The following NEK10 variants were observed in gnomAD, a reference collection of about 807,000 sequenced individuals.
NEK10 encodes the protein serine/threonine-protein kinase Nek10.
NEK10 carries 122 observed loss-of-function variants against 159.8 expected under a neutral mutation model. That is an observed-to-expected ratio of 0.76 (90% CI 0.66 to 0.89). The LOEUF (loss-of-function observed/expected upper bound fraction) is 0.89. NEK10 is among the 40% of genes least tolerant of loss of function. The probability of loss-of-function intolerance (pLI) is 0.00; values close to 1 mark genes in which losing one functional copy is unlikely to be tolerated. For missense variants in NEK10, 1,342 were observed against 1,323.1 expected (o/e 1.01, Z -0.22); for synonymous variants, 466 against 457.1 (o/e 1.02, Z -0.25).
At position 27,344,334 on chromosome 3, in the gene NEK10, A is replaced by T; in HGVS notation, c.300T>A (p.His100Gln). The change falls in exon 5 of 36, where the codon CAT becomes CAA. Residue 100 changes from histidine to glutamine, a missense_variant. Coordinates refer to ENST00000691995, the MANE Select transcript of NEK10 (RefSeq NM_001394966.1). ...TCTCCTGAAATAGTTTACGCTGAGG[A>T]TGTTTGCTGAAATTTCTCTCATTCT... ...NYKNERNFSK[H>Q]PQRKLFQEIF... The T allele has an allele frequency of 6.3e-7, 1 of 1,595,804 alleles. No individual in the cohort carries two copies. Among genetic ancestry groups the T allele is most frequent in the South Asian group, 1.1e-5 (1 of 89,194 alleles).
chr3:27,202,282 G>GA (rs1950123134), intron 24 of NEK10, 146 bp downstream of exon 24: 2 of 590,724 alleles, frequency 3.4e-6, no homozygotes, highest in African/African-American at 1.9e-5. Flanking sequence ...GAAGAAAGCG[G>GA]AAAAAATAAA....
At chr3:27,312,559 A>G (rs1017185082) in intron 7 of NEK10, among the ~76,000 whole-genome samples, 7 of 152,154 alleles carry the variant, frequency 4.6e-5, no homozygotes, top group African/African-American at 1.4e-4. Flanking sequence ...AGAATTTTTT[A>G]TAATACATTG....
chr3:27,119,801 C>G lies in NEK10; in HGVS notation c.3149G>C (p.Arg1050Pro), dbSNP rs764433352. The G allele has an allele frequency of 6.2e-7, 1 of 1,613,884 alleles. No individual in the cohort carries two copies. Among genetic ancestry groups the G allele is most frequent in the Admixed American group, 1.7e-5 (1 of 60,006 alleles). The change falls in exon 33 of 36, where the codon CGT (arginine) becomes CCT (proline). Residue 1050 changes from arginine to proline, a missense_variant. By Grantham distance (103) the Arg-to-Pro change is moderately radical (BLOSUM62 -2). Coordinates refer to ENST00000691995, the MANE Select transcript of NEK10 (RefSeq NM_001394966.1). ...GGACAGGCTGTTTCCACCGGATGAA[C>G]GATGTAATAAATGGTAATCTGCTGT... ...FFTADYHLLH[R>P]SSGGNSLSPN...
At chr3:27,122,147 TC>T (rs915396032) in intron 32 of NEK10, among the ~76,000 whole-genome samples, 27 of 152,200 alleles carry the variant, frequency 1.8e-4, no homozygotes, top group Middle Eastern at 3.4e-3. Flanking sequence ...GGGGGTGGTT[TC>T]CCCCATGCTG....
intron 30 of NEK10, among the ~76,000 whole-genome samples, chr3:27,159,678 G>C (rs1028829980): frequency 6.6e-6 from 1 of 151,720 alleles, no homozygotes; most frequent in African/African-American, 2.4e-5. Flanking sequence ...ATAAATTATT[G>C]ATACAATTTA....
rs549270242 is a variant in NEK10 at position 27,120,967 on chromosome 3, T to C, written c.3082-1099A>G. Among the ~76,000 whole-genome samples, 36 of 152,324 alleles carry C rather than the reference T, an allele frequency of 2.4e-4. 1 individual carries two copies. The East Asian group carries it at 6.8e-3, about 29-fold the overall frequency. ...AGTAGTTAGCTTGTATTCATATACT[T>C]TGTTTATGAGTTAAAATACATCATT... On this transcript the variant is annotated intron_variant, in intron 32 of 35. Coordinates refer to ENST00000691995, the MANE Select transcript of NEK10 (RefSeq NM_001394966.1).
chr3:27,274,656 C>T (rs1320825339), intron 22 of NEK10, among the ~76,000 whole-genome samples: 1 of 152,010 alleles, frequency 6.6e-6, no homozygotes, highest in Non-Finnish European at 1.5e-5. Context: ...GGCATACACA[C>T]ACACACATGC....
intron 31 of NEK10, among the ~76,000 whole-genome samples, chr3:27,136,457 G>T (rs1175044706): frequency 6.6e-6 from 1 of 152,070 alleles, no homozygotes; most frequent in Non-Finnish European, 1.5e-5. Flanking sequence ...GATTTTCAAA[G>T]CATCTATTTA....
At chr3:27,328,692 T>A (rs1242881584) in intron 5 of NEK10, among the ~76,000 whole-genome samples, 1 of 152,102 alleles carries the variant, frequency 6.6e-6, no homozygotes, top group Non-Finnish European at 1.5e-5. Flanking sequence ...GGGAGAGGAT[T>A]GACATAATCT....
chr3:27,108,259 C>T lies in NEK10; in HGVS notation c.*3013G>A, dbSNP rs1428238866. On this transcript the variant is annotated 3_prime_UTR_variant, in exon 36 of 36. Coordinates refer to ENST00000691995, the MANE Select transcript of NEK10 (RefSeq NM_001394966.1). ...CACTGCCTAATGCCATACAAGTGTC[C>T]ACAATAAACAAGCAGCATTTCTCTA... is the stretch of plus-strand genomic sequence containing the variant. Among the ~76,000 whole-genome samples the T allele has an allele frequency of 6.6e-6, 1 of 152,106 alleles. No individual in the cohort carries two copies. The highest frequency in any genetic ancestry group is 2.4e-5 in the African/African-American group (1 of 41,402).
intron 14 of NEK10, among the ~76,000 whole-genome samples, chr3:27,296,975 A>G (rs1055559585): frequency 1.3e-5 from 2 of 152,242 alleles, no homozygotes; most frequent in Non-Finnish European, 2.9e-5. Context: ...ACCACATGTC[A>G]GTCCTTTTTA....
At chr3:27,145,087 T>A (rs1412953748) in intron 30 of NEK10, among the ~76,000 whole-genome samples, 1 of 152,010 alleles carries the variant, frequency 6.6e-6, no homozygotes, top group Admixed American at 6.6e-5. Flanking sequence ...TCTCAGTATA[T>A]CTTTTAGATT....
At chr3:27,321,864 G>A (rs2045664840) in intron 6 of NEK10, among the ~76,000 whole-genome samples, 1 of 152,190 alleles carries the variant, frequency 6.6e-6, no homozygotes. Context: ...GTTTGAAGAT[G>A]TGGCCAAGTG....
At chr3:27,272,757 T>C (rs548031226) in intron 22 of NEK10, among the ~76,000 whole-genome samples, 69 of 152,262 alleles carry the variant, frequency 4.5e-4, no homozygotes, top group African/African-American at 1.6e-3. Context: ...AAACCATCCA[T>C]GATGACACAG....
At chr3:27,141,230 G>C (rs139764358) in intron 31 of NEK10, among the ~76,000 whole-genome samples, 1 of 152,108 alleles carries the variant, frequency 6.6e-6, no homozygotes, top group Admixed American at 6.6e-5. Context: ...GCCATTTATG[G>C]TGAAGTTTGG....
At chr3:27,112,062 C>A (rs1014865870) in intron 35 of NEK10, among the ~76,000 whole-genome samples, 8 of 152,180 alleles carry the variant, frequency 5.3e-5, no homozygotes, top group Non-Finnish European at 8.8e-5. Context: ...GAGAAATACC[C>A]AACCTTGGTC....
chr3:27,325,053 C>G (rs1241178502), intron 5 of NEK10, among the ~76,000 whole-genome samples: 2 of 152,168 alleles, frequency 1.3e-5, no homozygotes, highest in African/African-American at 4.8e-5. Context: ...GTTGTTCTAA[C>G]CACAGTGTAT....
chr3:27,311,659 A>G (rs2044710045), intron 8 of NEK10: 1 of 188,892 alleles, frequency 5.3e-6, no homozygotes, highest in Non-Finnish European at 1.1e-5. Flanking sequence ...AATACCTCAC[A>G]CTCACAGTCC....
rs774391218 is a variant in NEK10, at chr3:27,284,644, G to C, written c.1972C>G (p.Pro658Ala). ...EKRIVHRDLT[P>A]NNIMLGDKDK... ...TTATCCCCCAACATAATGTTGTTTG[G>C]TGTCAGATCTCTATGGACAATCCTC... Residue 658 changes from proline (P) to alanine (A), a missense_variant, in exon 22 of 36, where the codon CCA becomes GCA. Transcript: ENST00000691995. The C allele has an allele frequency of 1.9e-6, 3 of 1,607,738 alleles. No homozygotes were observed. Among genetic ancestry groups the C allele is most frequent in the Admixed American group, 1.7e-5 (1 of 60,008 alleles).
Sources: allele counts gnomAD v4.1 joint callset (sites outside exome capture counted in the v4.1 genomes callset), GRCh38; gene constraint gnomAD v4.1.1; transcripts MANE v1.5; gene names NCBI Gene and HGNC (gene_info 2026-07-23, HGNC 2026-07-21).